Variants in STAB2 observed in about 807,000 individuals in gnomAD.
The protein encoded by STAB2 is stabilin 2, also known as stabilin-2.
In STAB2, 288 loss-of-function variants were observed where a neutral mutation model predicts 338.1. The observed-to-expected ratio is 0.85, with a 90% CI of 0.77 to 0.94. The LOEUF (loss-of-function observed/expected upper bound fraction) is 0.94, where lower values mean the gene tolerates loss of function less well. STAB2 is among the 40% of genes least tolerant of loss of function. STAB2 has a pLI of 0.00. For missense variants in STAB2, 3,141 were observed against 3,210.1 expected (o/e 0.98, Z 0.52); for synonymous variants, 1,202 against 1,193.3 (o/e 1.01, Z -0.15).
At chr12:103,676,904 C>G (rs1476315437) in intron 24 of STAB2, among the ~76,000 whole-genome samples, 1 of 152,154 alleles carries the variant, frequency 6.6e-6, no homozygotes, top group Non-Finnish European at 1.5e-5. Context: ...ACCACCTGAC[C>G]CCAGCCTACA....
intron 59 of STAB2, 110 bp from the exon 60 acceptor site, chr12:103,750,469 C>T (rs531980076): frequency 7.1e-7 from 1 of 1,406,740 alleles, no homozygotes; most frequent in East Asian, 2.3e-5. Context: ...GGCACGTTCT[C>T]TTGGTCCATC....
chr12:103,648,681 T>G lies in STAB2; in HGVS notation c.1041-9T>G. On this transcript the variant is annotated splice_polypyrimidine_tract_variant and intron_variant, in intron 9 of 68. Coordinates refer to ENST00000388887, the MANE Select transcript of STAB2 (RefSeq NM_017564.10). The stretch of plus-strand genomic sequence containing the variant: ...AAACCCTGAGGATGTCTTTTCCCCC[T>G]CTCTGTAGATGCATTTGCCAGAAAG... 6 of 1,612,880 alleles carry G rather than the reference T, an allele frequency of 3.7e-6. No homozygotes were observed. Among genetic ancestry groups the G allele is most frequent in the Non-Finnish European group, 5.1e-6 (6 of 1,179,440 alleles).
At chr12:103,682,531 C>G (rs1877011122) in intron 25 of STAB2, among the ~76,000 whole-genome samples, 1 of 152,194 alleles carries the variant, frequency 6.6e-6, no homozygotes, top group Admixed American at 6.5e-5. Context: ...GCATGCATCT[C>G]CACCAAGTGG....
chr12:103,678,161 G>A (rs1352997754), intron 25 of STAB2, among the ~76,000 whole-genome samples: 1 of 152,160 alleles, frequency 6.6e-6, no homozygotes, highest in South Asian at 2.1e-4. Flanking sequence ...AGGCTAAGGA[G>A]GTCAGAACAC....
Position 103,685,020 on chromosome 12 carries a change from G to A in STAB2, c.2933G>A (p.Trp978Ter), listed in dbSNP as rs751965024. ...ASCQSTSSGV[W>*]SCVCQEGYEG... Reference sequence around the variant, plus strand: ...TGTCAATCTACTTCGTCTGGTGTCTGGAGCTGTGTTTGTCAAGAGGGCTAT... The same window carrying A: ...TGTCAATCTACTTCGTCTGGTGTCTAGAGCTGTGTTTGTCAAGAGGGCTAT... Residue 978 changes from tryptophan to a stop codon, truncating the protein, a stop_gained, in exon 27 of 69, where the codon TGG becomes TAG. Transcript: ENST00000388887. LOFTEE classifies it high-confidence loss of function. 3.1e-6 allele frequency: 5 copies of A among 1,613,842 alleles called. No homozygotes were observed. Among genetic ancestry groups the A allele is most frequent in the African/African-American group, 2.7e-5 (2 of 74,900 alleles).
chr12:103,656,728 G>A lies in STAB2; in HGVS notation c.1734+1147G>A, dbSNP rs547262861. ...GGAGTCTCGCTCTGTCGCCCAGGCC[G>A]GACTGCGGACTGCAGTGGCGCAATC... is the stretch of plus-strand genomic sequence containing the variant. On this transcript the variant is annotated intron_variant, in intron 15 of 68. Transcript: ENST00000388887. Among the ~76,000 whole-genome samples the A allele has an allele frequency of 1.1e-4, 16 of 144,348 alleles. No individual in the cohort carries two copies. In the South Asian group the frequency reaches 2.5e-3, roughly 22 times the overall value. 94.7% of individuals were successfully genotyped at this position (144,348 alleles called of 152,430 possible).
intron 8 of STAB2, among the ~76,000 whole-genome samples, chr12:103,638,465 A>G (rs1957588756): frequency 6.6e-6 from 1 of 152,188 alleles, no homozygotes; most frequent in African/African-American, 2.4e-5. Context: ...TCACAGTCCT[A>G]TATGGTGTTT....
At chr12:103,713,486 T>C (rs1300720266) in intron 41 of STAB2, among the ~76,000 whole-genome samples, 157 bp from the exon 42 acceptor site, 1 of 152,208 alleles carries the variant, frequency 6.6e-6, no homozygotes, top group Non-Finnish European at 1.5e-5. Flanking sequence ...ATCACAGATG[T>C]TTTACTTGCT....
rs529313039 is a variant in STAB2 at position 103,604,445 on chromosome 12, T to G, written c.331+9935T>G. ...GTTTTTGTAAAACTGATATAACTTC[T>G]TCCTTACATGTGAGATAGTATTCAC... On this transcript the variant is annotated intron_variant, in intron 3 of 68. Transcript: ENST00000388887. Among the ~76,000 whole-genome samples the G allele has an allele frequency of 3.9e-5, 6 of 152,202 alleles. No individual in the cohort carries two copies. In the East Asian group the frequency reaches 1.2e-3, roughly 29 times the overall value.
intron 52 of STAB2, among the ~76,000 whole-genome samples, chr12:103,737,336 G>A (rs140606345): frequency 3.3e-5 from 5 of 152,254 alleles, no homozygotes; most frequent in South Asian, 2.1e-4. Flanking sequence ...TAGTTCCCTC[G>A]TCTGTAAATG....
intron 51 of STAB2, among the ~76,000 whole-genome samples, chr12:103,734,161 CATAGGAGCAAGCACGATCAT>C (rs561016752): frequency 0.039 from 4,687 of 118,880 alleles, 89 homozygotes; most frequent in Admixed American, 0.086. Flanking sequence ...TGCACAGTCT[CATAGGAGCAAGCACGATCAT>C]ATAGGAGCAA....
At chr12:103,631,835 G>A in intron 6 of STAB2, 142 bp downstream of exon 6, 1 of 710,022 alleles carries the variant, frequency 1.4e-6, no homozygotes, top group East Asian at 2.7e-5. Flanking sequence ...AAATTAAAAA[G>A]AGAATATAGA....
intron 28 of STAB2, among the ~76,000 whole-genome samples, chr12:103,689,178 A>C (rs1468126522): frequency 1.3e-5 from 2 of 152,152 alleles, no homozygotes; most frequent in Admixed American, 1.3e-4. Flanking sequence ...CTTACTTCAA[A>C]GACGTCCAAG....
intron 27 of STAB2, 59 bp from the exon 28 acceptor site, chr12:103,688,109 T>TG (rs767842152): frequency 3.6e-5 from 56 of 1,538,266 alleles, no homozygotes; most frequent in Non-Finnish European, 4.5e-5. Context: ...CACTTCTCAT[T>TG]GTTCTTTCTC....
intron 20 of STAB2, chr12:103,669,338 A>G (rs1593206976): frequency 1.7e-5 from 10 of 577,852 alleles, no homozygotes; most frequent in East Asian, 8.7e-5. Flanking sequence ...GAGCCAGTCC[A>G]GCACCCAGGG....
In STAB2 at chr12:103,684,911, A is replaced by T. The variant is rs1877256006; in HGVS notation, c.2902-78A>T. On this transcript the variant is annotated intron_variant, in intron 26 of 68. Coordinates refer to ENST00000388887, the MANE Select transcript of STAB2 (RefSeq NM_017564.10). ...AATTTGCAGTTATCACCTTAGATGG[A>T]GCCTGTCGTCTCATAGATGTAACTC... is the stretch of plus-strand genomic sequence containing the variant. 3 of 1,410,320 alleles carry T rather than the reference A, an allele frequency of 2.1e-6. 1 individual carries two copies. In the East Asian group the frequency reaches 6.9e-5, roughly 32 times the overall value. The allele number at this position is 1,410,320 out of a possible 1,614,324, so 87.4% of individuals were successfully genotyped here. A position where few individuals can be genotyped will look rare whatever the true frequency, so the allele number is the denominator to read the frequency against.
At chr12:103,609,231 T>C (rs533219093) in intron 3 of STAB2, among the ~76,000 whole-genome samples, 27 of 152,326 alleles carry the variant, frequency 1.8e-4, no homozygotes, top group African/African-American at 6.5e-4. Flanking sequence ...AAGAAAGTCA[T>C]TGGTAGCTTG....
intron 53 of STAB2, 99 bp downstream of exon 53, chr12:103,737,879 T>C: frequency 6.7e-7 from 1 of 1,489,374 alleles, no homozygotes; most frequent in Non-Finnish European, 9.0e-7. Context: ...TAAGGGCCTG[T>C]CCTCAGCAAG....
At position 103,742,428 on chromosome 12, in the gene STAB2, C is replaced by T. The variant is rs1214954603; in HGVS notation, c.5905C>T (p.Pro1969Ser). The T allele has an allele frequency of 6.2e-7, 1 of 1,614,008 alleles. No homozygotes were observed. The highest frequency in any genetic ancestry group is 8.5e-7 in the Non-Finnish European group (1 of 1,180,014). Residue 1969 changes from proline to serine, a missense_variant, in exon 56 of 69, where the codon CCG becomes TCG. Pro to Ser is a moderately conservative substitution (Grantham distance 74, BLOSUM62 -1). Coordinates refer to ENST00000388887, the MANE Select transcript of STAB2 (RefSeq NM_017564.10). ...CQACPGGPDAPCNNRGVCLDQ... is the reference protein window; with the variant it reads ...CQACPGGPDASCNNRGVCLDQ... ...AGCCTGCCCTGGAGGACCAGATGCC[C>T]CGTGTAATAACCGGGGTGTCTGCCT...
Sources: gnomAD v4.1 joint callset for allele counts (sites outside exome capture counted in the v4.1 genomes callset) on GRCh38, gnomAD v4.1.1 for gene constraint, MANE v1.5 for transcripts, NCBI Gene and HGNC (gene_info 2026-07-23, HGNC 2026-07-21) for gene names.